The following SRRM4 variants were observed in gnomAD, a reference collection of about 807,000 sequenced individuals.
SRRM4 encodes the protein serine/arginine repetitive matrix 4.
In SRRM4, 33 loss-of-function variants were observed where a neutral mutation model predicts 68.9. That is an observed-to-expected ratio of 0.48 (90% CI 0.36 to 0.64). The LOEUF (loss-of-function observed/expected upper bound fraction) is 0.64. Ranked by LOEUF, SRRM4 falls within the 30% of genes least tolerant of loss-of-function variation. The pLI, the probability that SRRM4 is intolerant of heterozygous loss-of-function variation, is 0.00. For missense variants in SRRM4, 817 were observed against 827.1 expected, an observed-to-expected ratio of 0.99 and a Z score of 0.15; for synonymous variants, 318 against 318.8, an observed-to-expected ratio of 1.00 and a Z score of 0.03.
At chr12:119,007,465 T>C (rs903047512) in intron 1 of SRRM4, among the ~76,000 whole-genome samples, 3 of 152,224 alleles carry the variant, frequency 2.0e-5, no homozygotes, top group Admixed American at 6.5e-5. Context: ...ATGTTGGACA[T>C]GTTTTTTTTA....
chr12:119,028,470 T>C (rs527583879), intron 1 of SRRM4, among the ~76,000 whole-genome samples: 1 of 152,220 alleles, frequency 6.6e-6, no homozygotes, highest in East Asian at 1.9e-4. Flanking sequence ...ACAAGTTCTC[T>C]TCTCTTGTCT....
intron 2 of SRRM4, among the ~76,000 whole-genome samples, chr12:119,103,145 C>T (rs1954087014): frequency 6.6e-6 from 1 of 152,102 alleles, no homozygotes; most frequent in African/African-American, 2.4e-5. Flanking sequence ...AAGTCTGGCC[C>T]ATCTTTGGCC....
intron 4 of SRRM4, among the ~76,000 whole-genome samples, chr12:119,117,651 A>T (rs1954189524): frequency 6.6e-6 from 1 of 151,944 alleles, no homozygotes; most frequent in African/African-American, 2.4e-5. Context: ...GACTAAAAGG[A>T]TACTGTAGTC....
chr12:119,033,524 C>A (rs563700807), intron 1 of SRRM4, among the ~76,000 whole-genome samples: 2 of 152,042 alleles, frequency 1.3e-5, no homozygotes, highest in Non-Finnish European at 2.9e-5. Context: ...ATTAGCTGGG[C>A]GTGGTGGCAC....
At position 119,006,826 on chromosome 12, in the gene SRRM4, C is replaced by T. The variant is rs150711076; in HGVS notation, c.131+24813C>T. Among the ~76,000 whole-genome samples the T allele has an allele frequency of 2.6e-4, 40 of 152,354 alleles. No homozygotes were observed. In the East Asian group the frequency reaches 6.6e-3, roughly 25 times the overall value. Reference sequence around the variant, plus strand: ...GCTTCTATTGCCTGAAATGCCAATGCTCCTGCTGGAGATGGGCATGGTGGT... The same window carrying T: ...GCTTCTATTGCCTGAAATGCCAATGTTCCTGCTGGAGATGGGCATGGTGGT... On this transcript the variant is annotated intron_variant, in intron 1 of 12. Coordinates refer to ENST00000267260, the MANE Select transcript of SRRM4 (RefSeq NM_194286.4).
chr12:119,032,855 A>G (rs563610472), intron 1 of SRRM4, among the ~76,000 whole-genome samples: 143 of 152,286 alleles, frequency 9.4e-4, no homozygotes, highest in African/African-American at 3.3e-3. Flanking sequence ...TTATGTTAAT[A>G]TGGTAATTTA....
At chr12:119,053,798 T>C (rs1953759900) in intron 1 of SRRM4, among the ~76,000 whole-genome samples, 1 of 152,150 alleles carries the variant, frequency 6.6e-6, no homozygotes, top group African/African-American at 2.4e-5. Context: ...GTTTATGAGA[T>C]ATTTTGACAC....
intron 7 of SRRM4, among the ~76,000 whole-genome samples, chr12:119,130,075 G>A (rs1464610444): frequency 1.3e-5 from 2 of 151,824 alleles, no homozygotes; most frequent in Non-Finnish European, 2.9e-5. Flanking sequence ...ATGGATGGAT[G>A]GTTGGATGAT....
In SRRM4 at chr12:119,159,010, TG is replaced by T. The variant is rs1954492078; in HGVS notation, c.*2213del. 1.6e-5 allele frequency: 2 copies of T among 128,086 alleles called. No homozygotes were observed. Among genetic ancestry groups the T allele is most frequent in the South Asian group, 4.7e-4 (2 of 4,230 alleles). 7.9% of individuals were successfully genotyped at this position (128,086 alleles called of 1,614,324 possible). Reference sequence around the variant, plus strand: ...GTGTGTGTGTGTGTGTGTGTGTGTGTGTGTGTGTTGGGGGGATCTCCTAAAT... The same window carrying T: ...GTGTGTGTGTGTGTGTGTGTGTGTGTTGTGTGTTGGGGGGATCTCCTAAAT... On this transcript the variant is annotated 3_prime_UTR_variant, in exon 13 of 13. Coordinates refer to ENST00000267260, the MANE Select transcript of SRRM4 (RefSeq NM_194286.4).
chr12:119,153,620 C>A lies in SRRM4; in HGVS notation c.1362C>A (p.Ser454Arg). ...GCAGAAGCTCTAGGTCCCGCCGCAG[C>A]CCTAGCTACTCCCGCTACAGCCCCA... ...PPSRSSRSRR[S>R]PSYSRYSPSR... is the part of the protein sequence containing the mutation. The change falls in exon 11 of 13, where the codon AGC becomes AGA. Residue 454 changes from serine (S) to arginine (R), a missense_variant. Physicochemically the swap from Ser to Arg is moderately radical, Grantham distance 110. Coordinates refer to ENST00000267260, the MANE Select transcript of SRRM4 (RefSeq NM_194286.4). The A allele has an allele frequency of 5.8e-6, 9 of 1,564,686 alleles. No homozygotes were observed. Among genetic ancestry groups the A allele is most frequent in the Non-Finnish European group, 7.8e-6 (9 of 1,156,004 alleles).
chr12:119,122,292 C>CAGGAAGGCAGGAAGGCAGGAAGGA lies in SRRM4; in HGVS notation c.515+179_515+180insCAGGAAGGCAGGAAGGAAGGAAGG, dbSNP rs1215630082. On this transcript the variant is annotated intron_variant, in intron 6 of 12. Transcript: ENST00000267260. ...GCAGGAAGGCAGGAAGGCAGGAAGGCAGGAAGGAAGGAAGGAAGGAAGGAA... is the reference window on the plus strand; with the variant it reads ...GCAGGAAGGCAGGAAGGCAGGAAGGCAGGAAGGCAGGAAGGCAGGAAGGAAGGAAGGAAGGAAGGAAGGAAGGAA... 4.9e-4 allele frequency among the ~76,000 whole-genome samples: 34 copies of CAGGAAGGCAGGAAGGCAGGAAGGA among 69,712 alleles called. 2 individuals are homozygous for CAGGAAGGCAGGAAGGCAGGAAGGA. The highest frequency in any genetic ancestry group is 6.0e-4 in the Non-Finnish European group (22 of 36,512). The allele number at this position is 69,712 out of a possible 152,430, so 45.7% of individuals were successfully genotyped here.
At chr12:119,052,808 C>T (rs1293833125) in intron 1 of SRRM4, among the ~76,000 whole-genome samples, 3 of 152,168 alleles carry the variant, frequency 2.0e-5, no homozygotes, top group African/African-American at 7.2e-5. Flanking sequence ...GGATTACAGG[C>T]GTGAGCCACC....
At chr12:119,041,316 T>C (rs1165982505) in intron 1 of SRRM4, among the ~76,000 whole-genome samples, 1 of 152,196 alleles carries the variant, frequency 6.6e-6, no homozygotes, top group Admixed American at 6.5e-5. Context: ...TGATTTTGAT[T>C]GGGCCGCTTA....
chr12:119,079,066 G>A (rs963835787), intron 1 of SRRM4, among the ~76,000 whole-genome samples: 25 of 152,356 alleles, frequency 1.6e-4, no homozygotes, highest in Middle Eastern at 3.4e-3. Context: ...GCCAGGTGAG[G>A]GGGTGGTCCA....
chr12:119,013,292 G>A (rs908207830), intron 1 of SRRM4, among the ~76,000 whole-genome samples: 2 of 152,110 alleles, frequency 1.3e-5, no homozygotes, highest in Non-Finnish European at 2.9e-5. Flanking sequence ...GAGAGGCTAA[G>A]CAATTAACCC....
chr12:119,006,447 A>G (rs759597280), intron 1 of SRRM4, among the ~76,000 whole-genome samples: 3 of 152,178 alleles, frequency 2.0e-5, no homozygotes, highest in Non-Finnish European at 4.4e-5. Flanking sequence ...GATGAGGTAG[A>G]GTGGGAAGTA....
intron 8 of SRRM4, among the ~76,000 whole-genome samples, chr12:119,134,040 A>C (rs1213985322): frequency 6.6e-6 from 1 of 152,158 alleles, no homozygotes; most frequent in African/African-American, 2.4e-5. Context: ...GGGTTGAGAT[A>C]AAATTCCATG....
At position 119,027,212 on chromosome 12, in the gene SRRM4, C is replaced by T. The variant is rs143174829; in HGVS notation, c.131+45199C>T. Among the ~76,000 whole-genome samples, 62 of 152,256 alleles carry T rather than the reference C, an allele frequency of 4.1e-4. 1 individual carries two copies. Among genetic ancestry groups the T allele is most frequent in the African/African-American group, 1.5e-3 (61 of 41,542 alleles). Reference sequence around the variant, plus strand: ...ACTAAACCAACACTGGATCACCCACCCACCCAACCAGACTCCTGGGAATTG... The same window carrying T: ...ACTAAACCAACACTGGATCACCCACTCACCCAACCAGACTCCTGGGAATTG... On this transcript the variant is annotated intron_variant, in intron 1 of 12. Coordinates refer to ENST00000267260, the MANE Select transcript of SRRM4 (RefSeq NM_194286.4).
chr12:119,151,014 C>G lies in SRRM4; in HGVS notation c.1077-3C>G, dbSNP rs1244261129. On this transcript the variant is annotated splice_region_variant and splice_polypyrimidine_tract_variant and intron_variant, in intron 9 of 12. Transcript: ENST00000267260. ...GTGCTCATGGACATTTTCCCACCTG[C>G]AGGGGATTTCAGTCACCGTGTCTGG... 1 of 1,613,760 alleles carries G rather than the reference C, an allele frequency of 6.2e-7. No individual in the cohort carries two copies. Among genetic ancestry groups the G allele is most frequent in the Non-Finnish European group, 8.5e-7 (1 of 1,179,790 alleles).
Sources: gnomAD v4.1 joint callset for allele counts (sites outside exome capture counted in the v4.1 genomes callset) on GRCh38, gnomAD v4.1.1 for gene constraint, MANE v1.5 for transcripts, NCBI Gene and HGNC (gene_info 2026-07-23, HGNC 2026-07-21) for gene names.